OPCML: variants seen among roughly 807,000 people sequenced by gnomAD.
OPCML encodes the protein opioid-binding protein/cell adhesion molecule.
Under a neutral mutation model 37.8 loss-of-function variants are expected in OPCML, and 13 were observed. That is an observed-to-expected ratio of 0.34 (90% confidence interval 0.22 to 0.55). OPCML has a LOEUF of 0.55. Among genes scored for constraint, OPCML ranks in the 20% least tolerant of loss-of-function variants. The pLI, the probability that OPCML is intolerant of heterozygous loss-of-function variation, is 0.91. For synonymous variants in OPCML, 176 were observed against 168.8 expected, an observed-to-expected ratio of 1.04 and a Z score of -0.33; for missense variants, 341 against 435.6, an observed-to-expected ratio of 0.78 and a Z score of 1.93.
intron 1 of OPCML, among the ~76,000 whole-genome samples, chr11:133,062,986 T>C (rs961465870): frequency 1.3e-5 from 2 of 152,256 alleles, no homozygotes; most frequent in African/African-American, 4.8e-5. Context: ...CGCATCCTCC[T>C]TGTGCCTGTC....
intron 2 of OPCML, among the ~76,000 whole-genome samples, chr11:132,926,127 C>T (rs1944981429): frequency 6.6e-6 from 1 of 152,210 alleles, no homozygotes; most frequent in South Asian, 2.1e-4. Flanking sequence ...AGACCCTTGT[C>T]CCTCTCAACT....
chr11:133,050,839 A>G (rs1331931922), intron 1 of OPCML, among the ~76,000 whole-genome samples: 2 of 151,950 alleles, frequency 1.3e-5, no homozygotes, highest in Non-Finnish European at 2.9e-5. Flanking sequence ...GGGAAATATT[A>G]ATGCTCTCAT....
intron 2 of OPCML, chr11:132,773,232 AG>A (rs908856591): frequency 3.9e-5 from 6 of 152,284 alleles, no homozygotes; most frequent in African/African-American, 1.4e-4. Context: ...GAAAACAAAA[AG>A]GGGATTAATC....
chr11:133,258,223 G>A (rs1036569728), intron 1 of OPCML, among the ~76,000 whole-genome samples: 2 of 152,166 alleles, frequency 1.3e-5, no homozygotes. Context: ...GCCCATGAAC[G>A]ACATCCAGTT....
intron 3 of OPCML, among the ~76,000 whole-genome samples, chr11:132,638,637 T>A (rs1227013591): frequency 6.6e-6 from 1 of 152,200 alleles, no homozygotes; most frequent in African/African-American, 2.4e-5. Context: ...CCTTTTGAGA[T>A]GTCTTTTAAG....
chr11:132,959,116 T>C (rs1316682645), intron 1 of OPCML, among the ~76,000 whole-genome samples: 1 of 152,198 alleles, frequency 6.6e-6, no homozygotes, highest in Non-Finnish European at 1.5e-5. Context: ...TTGTGATTCA[T>C]GGAAGGAGGT....
At chr11:132,861,619 G>T (rs180974943) in intron 2 of OPCML, among the ~76,000 whole-genome samples, 1 of 152,026 alleles carries the variant, frequency 6.6e-6, no homozygotes, top group South Asian at 2.1e-4. Flanking sequence ...GGTGAATCAC[G>T]AGGTCAGGAG....
intron 2 of OPCML, among the ~76,000 whole-genome samples, chr11:132,847,230 C>T (rs925066487): frequency 6.6e-6 from 1 of 152,070 alleles, no homozygotes; most frequent in Admixed American, 6.6e-5. Flanking sequence ...AAGACACCTT[C>T]GAAGCCATAA....
chr11:133,384,434 C>T (rs1453871933), intron 1 of OPCML, among the ~76,000 whole-genome samples: 1 of 152,096 alleles, frequency 6.6e-6, no homozygotes, highest in Non-Finnish European at 1.5e-5. Flanking sequence ...ATAGTATTAA[C>T]ATCTCATTCA....
intron 2 of OPCML, among the ~76,000 whole-genome samples, chr11:132,851,297 T>C (rs969302861): frequency 2.6e-5 from 4 of 152,234 alleles, no homozygotes; most frequent in Non-Finnish European, 5.9e-5. Context: ...TATACCACAA[T>C]TTTTTAAATA....
chr11:133,003,674 T>C, intron 1 of OPCML: 1 of 985,322 alleles, frequency 1.0e-6, no homozygotes, highest in East Asian at 1.1e-4. Flanking sequence ...ACAAACAAAA[T>C]ACCCAGCATT....
chr11:132,887,371 G>C (rs1943464473), intron 2 of OPCML, among the ~76,000 whole-genome samples: 1 of 152,208 alleles, frequency 6.6e-6, no homozygotes, highest in Non-Finnish European at 1.5e-5. Flanking sequence ...ATGTGTCCTG[G>C]TGTCAAGCAG....
intron 1 of OPCML, among the ~76,000 whole-genome samples, chr11:133,414,934 AAAAAG>A (rs1244521468): frequency 1.3e-5 from 2 of 152,262 alleles, no homozygotes; most frequent in East Asian, 3.9e-4. Context: ...ATCAGAAGAC[AAAAAG>A]AAAATGTGGT....
chr11:133,198,662 C>T (rs505494), intron 1 of OPCML, among the ~76,000 whole-genome samples: 107,408 of 152,164 alleles, frequency 0.71, 39,989 homozygotes, highest in African/African-American at 0.92. Flanking sequence ...AGGACTAGTA[C>T]TAGCATGTGG....
chr11:132,718,009 T>C (rs1944551235), intron 2 of OPCML, among the ~76,000 whole-genome samples: 2 of 152,228 alleles, frequency 1.3e-5, no homozygotes, highest in Admixed American at 1.3e-4. Context: ...GAAACCTCCC[T>C]TTCCACACCA....
At chr11:132,451,228 A>T (rs2096067625) in intron 4 of OPCML, among the ~76,000 whole-genome samples, 1 of 152,222 alleles carries the variant, frequency 6.6e-6, no homozygotes. Context: ...TGAGCTGAAC[A>T]TAATTTTTCT....
chr11:132,694,551 T>C (rs573540845), intron 2 of OPCML, among the ~76,000 whole-genome samples: 3 of 152,322 alleles, frequency 2.0e-5, no homozygotes, highest in African/African-American at 7.2e-5. Context: ...GTGCCAGCTA[T>C]TGTGCACAGT....
At chr11:133,090,472 T>C (rs922238966) in intron 1 of OPCML, among the ~76,000 whole-genome samples, 13 of 152,124 alleles carry the variant, frequency 8.5e-5, no homozygotes, top group African/African-American at 2.9e-4. Context: ...GAACAGAATA[T>C]TGGTAGAAAT....
chr11:133,399,847 G>A (rs1272379885), intron 1 of OPCML, among the ~76,000 whole-genome samples: 1 of 148,900 alleles, frequency 6.7e-6, no homozygotes, highest in Non-Finnish European at 1.5e-5. Flanking sequence ...ACAGATTAAG[G>A]AAGCATATAT....
Sources: allele counts gnomAD v4.1 joint callset (sites outside exome capture counted in the v4.1 genomes callset), GRCh38; gene constraint gnomAD v4.1.1; transcripts MANE v1.5; gene names NCBI Gene and HGNC (gene_info 2026-07-23, HGNC 2026-07-21).